The following INSR variants were observed in gnomAD, a reference collection of about 807,000 sequenced individuals.
INSR encodes IR.
A neutral mutation model predicts 142.6 loss-of-function variants in INSR; 67 were observed. The observed-to-expected ratio is 0.47, with a 90% CI of 0.39 to 0.58. The LOEUF is 0.58. Among genes scored for constraint, INSR ranks in the 20% least tolerant of loss-of-function variants. INSR has a pLI of 0.00. For missense variants in INSR, 1,248 were observed against 1,833.2 expected (o/e 0.68, Z 5.83); for synonymous variants, 756 against 743.1 (o/e 1.02, Z -0.28).
At chr19:7,206,470 C>T (rs1055616324) in intron 2 of INSR, among the ~76,000 whole-genome samples, 2 of 152,220 alleles carry the variant, frequency 1.3e-5, no homozygotes, top group African/African-American at 4.8e-5. Context: ...TCTGTATTTA[C>T]AGTCACTCCT....
chr19:7,268,653 G>C, intron 1 of INSR: 1 of 967,096 alleles, frequency 1.0e-6, no homozygotes, highest in Non-Finnish European at 1.2e-6. Context: ...TATGGAAGAA[G>C]AAGTGAAACA....
In INSR at chr19:7,142,989, G is replaced by A. The variant is rs369025474; in HGVS notation, c.2369C>T (p.Thr790Met). 143 of 1,614,070 alleles carry A rather than the reference G, an allele frequency of 8.9e-5. No homozygotes were observed. The highest frequency in any genetic ancestry group is 1.6e-4 in the Middle Eastern group (1 of 6,084). ...FPNTSSTSVP[T>M]SPEEHRPFEK... The stretch of plus-strand genomic sequence containing the variant: ...AAAAGGCCTGTGCTCCTCCGGACTC[G>A]TGGGCACGCTGGTCGAGGAAGTGTT... Residue 790 changes from threonine (T) to methionine (M), a missense_variant, in exon 12 of 22, where the codon ACG becomes ATG. Physicochemically the swap from Thr to Met is moderately conservative, Grantham distance 81 (BLOSUM62 -1). This residue lies in a region of INSR where 1,069 missense variants were observed against 1,654.0 expected (regional missense o/e 0.65). Coordinates refer to ENST00000302850, the MANE Select transcript of INSR (RefSeq NM_000208.4).
chr19:7,276,337 G>A (rs1033839388), intron 1 of INSR, among the ~76,000 whole-genome samples: 10 of 151,676 alleles, frequency 6.6e-5, no homozygotes, highest in African/African-American at 2.4e-4. Context: ...GTAGAGATGG[G>A]GTTTCACCAT....
At chr19:7,199,003 C>A (rs1188598390) in intron 2 of INSR, among the ~76,000 whole-genome samples, 5 of 151,958 alleles carry the variant, frequency 3.3e-5, no homozygotes, top group African/African-American at 1.2e-4. Flanking sequence ...CCCACCTCAG[C>A]CTCCCGAGTA....
chr19:7,266,909 A>AT (rs1258594340), intron 2 of INSR, among the ~76,000 whole-genome samples: 5 of 152,102 alleles, frequency 3.3e-5, no homozygotes, highest in Non-Finnish European at 7.4e-5. Flanking sequence ...GAACTAAACT[A>AT]TTTTTTTAAA....
intron 1 of INSR, among the ~76,000 whole-genome samples, chr19:7,277,375 T>A (rs1303595296): frequency 8.6e-6 from 1 of 116,576 alleles, no homozygotes; most frequent in African/African-American, 3.3e-5. Flanking sequence ...GGCCAGACAT[T>A]GTGCCAGGCC....
chr19:7,223,155 C>T (rs1214743958), intron 2 of INSR, among the ~76,000 whole-genome samples: 1 of 152,096 alleles, frequency 6.6e-6, no homozygotes, highest in Non-Finnish European at 1.5e-5. Flanking sequence ...TGCACTCCAG[C>T]GTGGGTGACA....
chr19:7,151,694 A>AAAAAG (rs1260745753), intron 10 of INSR, among the ~76,000 whole-genome samples: 1 of 150,816 alleles, frequency 6.6e-6, no homozygotes. Flanking sequence ...ACAAAAAAAG[A>AAAAAG]AAAAGAAAAG....
chr19:7,156,358 G>T (rs1243972727), intron 9 of INSR, among the ~76,000 whole-genome samples: 1 of 152,124 alleles, frequency 6.6e-6, no homozygotes, highest in African/African-American at 2.4e-5. Flanking sequence ...ACCACACTGG[G>T]CCTCCACATG....
rs1307537605 is a variant in INSR, at chr19:7,114,687, C to T, written c.*2369G>A. The stretch of plus-strand genomic sequence containing the variant: ...AGACTGTGCTGAAAAAAGAAAATCA[C>T]TATCCCCCATTCACCTGTTTATTTT... On this transcript the variant is annotated 3_prime_UTR_variant, in exon 22 of 22. Coordinates refer to ENST00000302850, the MANE Select transcript of INSR (RefSeq NM_000208.4). The T allele has an allele frequency of 6.6e-6, 1 of 152,592 alleles. No homozygotes were observed. Among genetic ancestry groups the T allele is most frequent in the Non-Finnish European group, 1.5e-5 (1 of 68,028 alleles). The allele number at this position is 152,592 out of a possible 1,614,324, so 9.5% of individuals were successfully genotyped here.
rs1347473020 is a variant in INSR at position 7,267,641 on chromosome 19, G to A, written c.356C>T (p.Ala119Val). The A allele has an allele frequency of 2.2e-5, 36 of 1,613,860 alleles. No homozygotes were observed. The highest frequency in any genetic ancestry group is 2.8e-5 in the Non-Finnish European group (33 of 1,179,938). ...IRGSRLFFNYALVIFEMVHLK... is the reference protein window; with the variant it reads ...IRGSRLFFNYVLVIFEMVHLK... ...GTGAACCATCTCGAAGATGACCAGCGCGTAGTTAAAGAACAGTCGTGATCC... is the reference window on the plus strand; with the variant it reads ...GTGAACCATCTCGAAGATGACCAGCACGTAGTTAAAGAACAGTCGTGATCC... The change falls in exon 2 of 22, where the codon GCG becomes GTG. Residue 119 changes from alanine (A) to valine (V), a missense_variant. Around this residue, in one of 3 missense-constraint regions of INSR, gnomAD observed 1,069 missense variants for 1,654.0 expected, o/e 0.65. Transcript: ENST00000302850. The surrounding 1 kb of genome is among the most constrained non-coding windows in gnomAD (Gnocchi z 6.3).
chr19:7,266,835 T>G (rs573985336), intron 2 of INSR, among the ~76,000 whole-genome samples: 1 of 152,218 alleles, frequency 6.6e-6, no homozygotes, highest in Non-Finnish European at 1.5e-5. Context: ...TTGCTTTTTT[T>G]TCGTTTACAA....
intron 9 of INSR, among the ~76,000 whole-genome samples, chr19:7,160,858 G>A (rs1973729802): frequency 3.3e-5 from 5 of 151,534 alleles, no homozygotes; most frequent in Admixed American, 3.3e-4. Flanking sequence ...ATTAGCCGGT[G>A]TAGTGGCAGC....
At chr19:7,260,979 C>T (rs543838716) in intron 2 of INSR, among the ~76,000 whole-genome samples, 3 of 151,866 alleles carry the variant, frequency 2.0e-5, no homozygotes, top group East Asian at 1.9e-4. Flanking sequence ...CCTCCGCCCC[C>T]GGGGCCCATG....
At chr19:7,198,579 G>A (rs1478812344) in intron 2 of INSR, among the ~76,000 whole-genome samples, 2 of 152,034 alleles carry the variant, frequency 1.3e-5, no homozygotes, top group East Asian at 1.9e-4. Context: ...GGCCTCCCTC[G>A]GGAGGGGTCC....
chr19:7,267,921 C>T lies in INSR; in HGVS notation c.101-25G>A. The T allele has an allele frequency of 6.2e-7, 1 of 1,602,944 alleles. No homozygotes were observed. The highest frequency in any genetic ancestry group is 8.5e-7 in the Non-Finnish European group (1 of 1,172,084). On this transcript the variant is annotated intron_variant, in intron 1 of 21. Coordinates refer to ENST00000302850, the MANE Select transcript of INSR (RefSeq NM_000208.4). The surrounding 1 kb of genome is among the most constrained non-coding windows in gnomAD (Gnocchi z 6.3). Reference sequence around the variant, plus strand: ...ACTACAAGAGAAAATGAACAGAAAGCAAGACAGGTGAGCAGACGCACGGTG... The same window carrying T: ...ACTACAAGAGAAAATGAACAGAAAGTAAGACAGGTGAGCAGACGCACGGTG...
intron 2 of INSR, among the ~76,000 whole-genome samples, chr19:7,207,935 A>AG (rs1568486963): frequency 5.9e-5 from 7 of 119,216 alleles, no homozygotes; most frequent in African/African-American, 2.3e-4. Flanking sequence ...GAAGGAAGGA[A>AG]GGAAGGGAAG....
At chr19:7,223,723 G>T (rs1453145159) in intron 2 of INSR, among the ~76,000 whole-genome samples, 2 of 152,164 alleles carry the variant, frequency 1.3e-5, no homozygotes, top group Non-Finnish European at 2.9e-5. Flanking sequence ...TCTGAAGCCA[G>T]AGAGACTGTG....
intron 1 of INSR, among the ~76,000 whole-genome samples, chr19:7,290,431 T>C (rs1489198764): frequency 6.6e-6 from 1 of 151,586 alleles, no homozygotes; most frequent in Admixed American, 6.6e-5. Flanking sequence ...GCTAGAGAGA[T>C]AGATACAAAA....
Sources: allele counts gnomAD v4.1 joint callset (sites outside exome capture counted in the v4.1 genomes callset), GRCh38; gene constraint gnomAD v4.1.1; regional missense constraint gnomAD v4.1.1; non-coding constraint Gnocchi (gnomAD v3.1); transcripts MANE v1.5; gene names NCBI Gene and HGNC (gene_info 2026-07-23, HGNC 2026-07-21).